Variants in TAF3 observed in about 807,000 individuals in gnomAD.
TAF3 encodes transcription initiation factor TFIID subunit 3.
A neutral mutation model predicts 80.6 loss-of-function variants in TAF3; 7 were observed. The observed-to-expected ratio is 0.09, with a 90% CI of 0.05 to 0.16. TAF3 has a LOEUF of 0.16. TAF3 is among the 10% of genes least tolerant of loss of function. TAF3 has a pLI of 1.00. For synonymous variants in TAF3, 444 were observed against 446.1 expected (o/e 1.00, Z 0.06); for missense variants, 921 against 1,140.2 (o/e 0.81, Z 2.77).
chr10:7,890,396 G>A (rs943794805), intron 2 of TAF3, among the ~76,000 whole-genome samples: 1 of 152,206 alleles, frequency 6.6e-6, no homozygotes, highest in Non-Finnish European at 1.5e-5. Context: ...TGTGTTTGTA[G>A]TCTACGTTCC....
intron 4 of TAF3, among the ~76,000 whole-genome samples, chr10:7,997,906 A>G (rs776651322): frequency 6.6e-6 from 1 of 152,238 alleles, no homozygotes; most frequent in Admixed American, 6.5e-5. Flanking sequence ...ACAACGATCA[A>G]TTTAGATTAA....
At chr10:8,002,249 T>A (rs1184191888) in intron 4 of TAF3, among the ~76,000 whole-genome samples, 1 of 152,212 alleles carries the variant, frequency 6.6e-6, no homozygotes, top group Non-Finnish European at 1.5e-5. Flanking sequence ...TTTCACTTGC[T>A]CTGTTTCTTC....
At chr10:7,912,998 G>T (rs1297132472) in intron 2 of TAF3, among the ~76,000 whole-genome samples, 1 of 152,150 alleles carries the variant, frequency 6.6e-6, no homozygotes, top group Non-Finnish European at 1.5e-5. Flanking sequence ...GTCTAGGACC[G>T]AGGGGTCAGC....
chr10:7,844,584 G>A (rs1370493040), intron 2 of TAF3, among the ~76,000 whole-genome samples: 1 of 151,972 alleles, frequency 6.6e-6, no homozygotes, highest in African/African-American at 2.4e-5. Context: ...CACCATGTTG[G>A]CCAGGATGGT....
chr10:7,992,263 T>G (rs1312392785), intron 4 of TAF3, among the ~76,000 whole-genome samples: 2 of 152,230 alleles, frequency 1.3e-5, no homozygotes, highest in East Asian at 3.9e-4. Flanking sequence ...AAAGGAACCC[T>G]CAAAGTACCC....
intron 3 of TAF3, among the ~76,000 whole-genome samples, chr10:7,974,733 G>T (rs1831653852): frequency 6.6e-6 from 1 of 152,122 alleles, no homozygotes; most frequent in South Asian, 2.1e-4. Context: ...TTAGCTAGAG[G>T]TTGAAGAGAA....
In TAF3 at chr10:7,915,642, C is replaced by CAAA. The variant is rs546868294; in HGVS notation, c.410-48261_410-48259dup. On this transcript the variant is annotated intron_variant, in intron 2 of 6. Coordinates refer to ENST00000344293, the MANE Select transcript of TAF3 (RefSeq NM_031923.4). ...TGGGCGACAGAGCGAAACTCCGTCTCAAAAAAAAAAAAAAAAAAAGAATCA... is the reference window on the plus strand; with the variant it reads ...TGGGCGACAGAGCGAAACTCCGTCTCAAAAAAAAAAAAAAAAAAAAAAGAATCA... Among the ~76,000 whole-genome samples the CAAA allele has an allele frequency of 4.2e-3, 327 of 78,004 alleles. 3 individuals carry two copies. Among genetic ancestry groups the CAAA allele is most frequent in the South Asian group, 0.014 (31 of 2,170 alleles). The allele number at this position is 78,004 out of a possible 152,430, so 51.2% of individuals were successfully genotyped here.
At chr10:8,002,407 A>G (rs1476022241) in intron 4 of TAF3, among the ~76,000 whole-genome samples, 2 of 152,176 alleles carry the variant, frequency 1.3e-5, no homozygotes, top group Admixed American at 6.5e-5. Context: ...GTATCATGTC[A>G]TCTGGAAAAT....
chr10:7,887,699 A>T (rs984887137), intron 2 of TAF3, among the ~76,000 whole-genome samples: 1 of 152,208 alleles, frequency 6.6e-6, no homozygotes, highest in African/African-American at 2.4e-5. Flanking sequence ...ACAAACCTCA[A>T]GAAAAGGCTT....
intron 2 of TAF3, among the ~76,000 whole-genome samples, chr10:7,850,927 A>G (rs1267976733): frequency 6.6e-6 from 1 of 152,164 alleles, no homozygotes; most frequent in Admixed American, 6.5e-5. Flanking sequence ...CTTTCAGCAC[A>G]TATTTATTGT....
At chr10:7,942,387 A>C (rs1837984238) in intron 2 of TAF3, among the ~76,000 whole-genome samples, 3 of 152,244 alleles carry the variant, frequency 2.0e-5, no homozygotes, top group Non-Finnish European at 2.9e-5. Context: ...CTGGTAGTTC[A>C]GGTTTTTTTC....
chr10:7,941,448 A>G (rs1837975063), intron 2 of TAF3, among the ~76,000 whole-genome samples: 1 of 152,192 alleles, frequency 6.6e-6, no homozygotes, highest in Non-Finnish European at 1.5e-5. Context: ...GACCATGGGG[A>G]AAGTGTTTCC....
intron 2 of TAF3, among the ~76,000 whole-genome samples, chr10:7,848,596 T>C (rs1431382419): frequency 6.6e-6 from 1 of 152,170 alleles, no homozygotes; most frequent in African/African-American, 2.4e-5. Flanking sequence ...GCAAATTAAA[T>C]ATGAAGCAGG....
At chr10:7,912,528 T>C (rs1018306467) in intron 2 of TAF3, among the ~76,000 whole-genome samples, 21 of 152,190 alleles carry the variant, frequency 1.4e-4, no homozygotes, top group South Asian at 2.1e-4. Context: ...CCAGTAGATA[T>C]TGGTTTTATC....
In TAF3 at chr10:7,870,688, G is replaced by A. The variant is rs116132486; in HGVS notation, c.409+46128G>A. Among the ~76,000 whole-genome samples the A allele has an allele frequency of 4.3e-3, 654 of 152,176 alleles. 5 individuals carry two copies. The highest frequency in any genetic ancestry group is 0.015 in the African/African-American group (630 of 41,504). On this transcript the variant is annotated intron_variant, in intron 2 of 6. Transcript: ENST00000344293. ...GCGGCAGAACTCGACACGCTTCTGA[G>A]TTCGCCTTCCTTCACTTCTTCTCTA... is the stretch of plus-strand genomic sequence containing the variant.
At chr10:7,825,796 A>G (rs767950633) in intron 2 of TAF3, among the ~76,000 whole-genome samples, 5 of 152,110 alleles carry the variant, frequency 3.3e-5, no homozygotes, top group Non-Finnish European at 5.9e-5. Context: ...TAATGCCGCT[A>G]TGAACATCGA....
chr10:7,898,888 G>A (rs1176200257), intron 2 of TAF3, among the ~76,000 whole-genome samples: 1 of 152,080 alleles, frequency 6.6e-6, no homozygotes, highest in Non-Finnish European at 1.5e-5. Context: ...ACTTGCGAGT[G>A]AGGCACTCAA....
chr10:7,894,321 A>C (rs1381259797), intron 2 of TAF3, among the ~76,000 whole-genome samples: 2 of 152,232 alleles, frequency 1.3e-5, no homozygotes, highest in Admixed American at 6.5e-5. Flanking sequence ...AAACGTGAAA[A>C]AAATTACCAC....
chr10:7,958,299 A>G (rs1361948602), intron 2 of TAF3, among the ~76,000 whole-genome samples: 3 of 152,186 alleles, frequency 2.0e-5, no homozygotes, highest in Admixed American at 6.5e-5. Context: ...AGCTAGATCA[A>G]CTGTATTTAT....
Sources: gnomAD v4.1 joint callset for allele counts (sites outside exome capture counted in the v4.1 genomes callset) on GRCh38, gnomAD v4.1.1 for gene constraint, MANE v1.5 for transcripts, NCBI Gene and HGNC (gene_info 2026-07-23, HGNC 2026-07-21) for gene names.